Variants in DCC observed in about 807,000 individuals in gnomAD.
The protein encoded by DCC is netrin receptor DCC.
In DCC, 58 loss-of-function variants were observed where a neutral mutation model predicts 172.5. That is an observed-to-expected ratio of 0.34 (90% CI 0.27 to 0.42). DCC has a LOEUF of 0.42. Ranked by LOEUF, DCC falls within the 10% of genes least tolerant of loss-of-function variation. The pLI is 1.00. For synonymous variants in DCC, 709 were observed against 644.5 expected (o/e 1.10, Z -1.52); for missense variants, 1,740 against 1,791.0 (o/e 0.97, Z 0.51).
chr18:52,671,848 C>T (rs1037919451), intron 1 of DCC, among the ~76,000 whole-genome samples: 1 of 151,994 alleles, frequency 6.6e-6, no homozygotes, highest in Non-Finnish European at 1.5e-5. Context: ...ATATGCTGAA[C>T]TTTTTCCCAT....
intron 2 of DCC, among the ~76,000 whole-genome samples, chr18:52,883,253 A>G (rs891590890): frequency 1.2e-4 from 18 of 151,500 alleles, no homozygotes; most frequent in African/African-American, 2.2e-4. Flanking sequence ...CTTACATTCA[A>G]TGTTATGATT....
intron 12 of DCC, among the ~76,000 whole-genome samples, chr18:53,231,679 T>C (rs1410946078): frequency 6.6e-6 from 1 of 152,112 alleles, no homozygotes; most frequent in Non-Finnish European, 1.5e-5. Flanking sequence ...GAGTATTAAT[T>C]GGATTGAAAC....
chr18:52,709,558 G>C (rs1266457381), intron 1 of DCC, among the ~76,000 whole-genome samples: 1 of 152,260 alleles, frequency 6.6e-6, no homozygotes, highest in Non-Finnish European at 1.5e-5. Flanking sequence ...GCTGGCCTGT[G>C]TGCTCTTCTT....
chr18:53,377,540 G>C (rs1297900661), intron 15 of DCC, among the ~76,000 whole-genome samples: 2 of 152,116 alleles, frequency 1.3e-5, no homozygotes, highest in East Asian at 1.9e-4. Context: ...TCTTGCACTG[G>C]TGATTAAATT....
intron 5 of DCC, among the ~76,000 whole-genome samples, chr18:52,960,017 A>G (rs1387636191): frequency 3.3e-5 from 5 of 152,128 alleles, no homozygotes; most frequent in Non-Finnish European, 5.9e-5. Context: ...ACCAGAAAAC[A>G]ACAGCAAAAT....
At chr18:53,400,318 T>C (rs1466868298) in intron 18 of DCC, among the ~76,000 whole-genome samples, 1 of 152,008 alleles carries the variant, frequency 6.6e-6, no homozygotes, top group African/African-American at 2.4e-5. Flanking sequence ...GTCAGAAAGA[T>C]GATGTGTTAA....
At chr18:53,078,886 A>G (rs1210182831) in intron 7 of DCC, among the ~76,000 whole-genome samples, 4 of 152,162 alleles carry the variant, frequency 2.6e-5, no homozygotes, top group Non-Finnish European at 5.9e-5. Flanking sequence ...ACGTCATTAT[A>G]AAGCAAGAAA....
intron 7 of DCC, among the ~76,000 whole-genome samples, chr18:53,090,343 G>C (rs1044657253): frequency 1.1e-4 from 16 of 152,008 alleles, no homozygotes; most frequent in African/African-American, 3.9e-4. Context: ...CTGGGTGCTA[G>C]AGGTTGTCTC....
chr18:53,453,026 C>T (rs1327016133), intron 23 of DCC, among the ~76,000 whole-genome samples: 1 of 152,062 alleles, frequency 6.6e-6, no homozygotes, highest in African/African-American at 2.4e-5. Context: ...TGCCATTCTC[C>T]TGCCTCAGCC....
At chr18:52,884,201 C>T (rs1414536741) in intron 2 of DCC, among the ~76,000 whole-genome samples, 3 of 151,966 alleles carry the variant, frequency 2.0e-5, no homozygotes, top group Admixed American at 6.6e-5. Flanking sequence ...CTCCTTGGTG[C>T]TCAATAAACC....
At chr18:52,584,950 C>T (rs192369822) in intron 1 of DCC, among the ~76,000 whole-genome samples, 40 of 152,308 alleles carry the variant, frequency 2.6e-4, no homozygotes, top group Admixed American at 1.6e-3. Flanking sequence ...CTCAGTTGCA[C>T]TTAGTACCAG....
chr18:53,190,512 T>G (rs1447530345), intron 9 of DCC, among the ~76,000 whole-genome samples: 1 of 149,330 alleles, frequency 6.7e-6, no homozygotes, highest in Non-Finnish European at 1.5e-5. Flanking sequence ...GTACACAAAC[T>G]AAGATTAGCC....
chr18:52,386,651 G>C (rs1985811323), intron 1 of DCC, among the ~76,000 whole-genome samples: 2 of 152,002 alleles, frequency 1.3e-5, no homozygotes, highest in Non-Finnish European at 2.9e-5. Flanking sequence ...TGATTGAGAT[G>C]GTTTAGGCAG....
intron 15 of DCC, among the ~76,000 whole-genome samples, chr18:53,381,560 A>ACC (rs747015453): frequency 5.3e-5 from 5 of 93,586 alleles, no homozygotes; most frequent in South Asian, 3.9e-4. Flanking sequence ...TTTACCCCCC[A>ACC]CCCCCCCCCC....
At chr18:53,365,960 C>A (rs1266640462) in intron 15 of DCC, among the ~76,000 whole-genome samples, 1 of 152,164 alleles carries the variant, frequency 6.6e-6, no homozygotes, top group African/African-American at 2.4e-5. Flanking sequence ...CAGGAATGTT[C>A]TTGCAGGAGA....
intron 7 of DCC, among the ~76,000 whole-genome samples, 187 bp downstream of exon 7, chr18:53,066,353 G>GTATGTATGTA (rs1202896480): frequency 4.2e-5 from 4 of 94,604 alleles, no homozygotes; most frequent in Non-Finnish European, 8.9e-5. Context: ...GTACATGTGT[G>GTATGTATGTA]TATATATATA....
intron 1 of DCC, among the ~76,000 whole-genome samples, chr18:52,669,564 A>AT: frequency 6.6e-6 from 1 of 152,270 alleles, no homozygotes. Flanking sequence ...ATAAGTCATA[A>AT]TTTTGCAAAG....
At chr18:52,736,786 C>T (rs967303644) in intron 1 of DCC, among the ~76,000 whole-genome samples, 4 of 152,062 alleles carry the variant, frequency 2.6e-5, no homozygotes, top group Non-Finnish European at 5.9e-5. Context: ...GTTAAAAGAG[C>T]TACAGGTATT....
At chr18:52,816,710 A>G (rs1016958837) in intron 2 of DCC, 1 of 152,058 alleles carries the variant, frequency 6.6e-6, no homozygotes, top group East Asian at 1.9e-4. Context: ...GATGGATGAC[A>G]CTCGCTAGAG....
Sources: allele counts gnomAD v4.1 joint callset (sites outside exome capture counted in the v4.1 genomes callset), GRCh38; gene constraint gnomAD v4.1.1; transcripts MANE v1.5; gene names NCBI Gene and HGNC (gene_info 2026-07-23, HGNC 2026-07-21).